Variants in MACF1 observed in about 807,000 individuals in gnomAD.
MACF1 encodes microtubule actin crosslinking factor 1, also known as microtubule-actin cross-linking factor 1.
Under a neutral mutation model 854.8 loss-of-function variants are expected in MACF1, and 193 were observed. The observed-to-expected ratio is 0.23, with a 90% CI of 0.20 to 0.25. The LOEUF (loss-of-function observed/expected upper bound fraction) is 0.25. MACF1 is among the 10% of genes least tolerant of loss of function. The pLI is 1.00. For missense variants in MACF1, 7,722 were observed against 8,929.1 expected, an observed-to-expected ratio of 0.86 and a Z score of 5.45; for synonymous variants, 3,185 against 3,226.7, an observed-to-expected ratio of 0.99 and a Z score of 0.44.
At chr1:39,239,707 A>C (rs1234293813) in intron 2 of MACF1, among the ~76,000 whole-genome samples, 3 of 152,222 alleles carry the variant, frequency 2.0e-5, no homozygotes, top group Non-Finnish European at 2.9e-5. Flanking sequence ...TTTTCTGGTC[A>C]GTTCCTGTTG....
At chr1:39,102,434 CGG>C (rs10566264) in intron 2 of MACF1, among the ~76,000 whole-genome samples, 9 of 69,414 alleles carry the variant, frequency 1.3e-4, no homozygotes, top group African/African-American at 3.6e-4. Flanking sequence ...TAATTGGAGG[CGG>C]GGGGGGGGTC....
intron 2 of MACF1, among the ~76,000 whole-genome samples, chr1:39,116,032 AGAG>A (rs1420185031): frequency 1.3e-5 from 2 of 152,256 alleles, no homozygotes; most frequent in East Asian, 3.9e-4. Context: ...GAAGGAAGAG[AGAG>A]GAGGAAGACA....
In MACF1 at chr1:39,434,431, A is replaced by G. The variant is rs1643929479; in HGVS notation, c.17583A>G (p.Leu5861=). Residue 5861 remains leucine (L), a synonymous_variant, in exon 69 of 101, where the codon CTA becomes CTG. Transcript: ENST00000564288. ...TCACATAGGAAAAGACAGAGTCTCT[A>G]ATACAGCAATATGAAGCCATTAGCC... The part of the protein sequence containing the change: ...KTVLQEKTES[L]IQQYEAISLL... 6.2e-7 allele frequency: 1 copy of G among 1,600,034 alleles called. No individual in the cohort carries two copies. Among genetic ancestry groups the G allele is most frequent in the East Asian group, 2.2e-5 (1 of 44,674 alleles).
chr1:39,385,225 G>T (rs1012032114), intron 56 of MACF1, among the ~76,000 whole-genome samples: 1 of 151,962 alleles, frequency 6.6e-6, no homozygotes, highest in Non-Finnish European at 1.5e-5. Context: ...TCACCAGCAC[G>T]CCCCACTAAT....
intron 56 of MACF1, among the ~76,000 whole-genome samples, chr1:39,383,544 T>A (rs966942923): frequency 2.6e-5 from 4 of 152,168 alleles, no homozygotes; most frequent in Non-Finnish European, 5.9e-5. Context: ...ATATTTTTAA[T>A]GAAAAAATAG....
intron 2 of MACF1, among the ~76,000 whole-genome samples, chr1:39,172,695 C>T (rs1643968498): frequency 6.6e-6 from 1 of 152,200 alleles, no homozygotes; most frequent in Non-Finnish European, 1.5e-5. Flanking sequence ...GGAGATGAGC[C>T]ATCAGGCCTG....
chr1:39,442,058 G>GT lies in MACF1; in HGVS notation c.18774+6dup. On this transcript the variant is annotated splice_donor_region_variant and intron_variant, in intron 75 of 100. Coordinates refer to ENST00000564288, the MANE Select transcript of MACF1 (RefSeq NM_001394062.1). ...GATCAGTTAAATGAAATGAAGGTTT[G>GT]TATCTGGGTATGGCTTTTGAAGAAG... 1 of 1,608,146 alleles carries GT rather than the reference G, an allele frequency of 6.2e-7. No homozygotes were observed. The highest frequency in any genetic ancestry group is 8.5e-7 in the Non-Finnish European group (1 of 1,178,184).
chr1:39,126,222 G>A (rs1477829249), intron 2 of MACF1, among the ~76,000 whole-genome samples: 1 of 152,198 alleles, frequency 6.6e-6, no homozygotes, highest in Non-Finnish European at 1.5e-5. Context: ...AAGGCTGTGA[G>A]GGAGAACCTG....
In MACF1 at chr1:39,385,886, G is replaced by A; in HGVS notation, c.14301G>A (p.Leu4767=). Residue 4767 remains leucine, a synonymous_variant, in exon 57 of 101, where the codon TTG becomes TTA. Transcript: ENST00000564288. ...QYLKDELKKR[L]ETVALPLQGL... Reference sequence around the variant, plus strand: ...TCAAGGATGAACTGAAGAAGCGTTTGGAGACAGTTGCCCTGCCTCTCCAAG... The same window carrying A: ...TCAAGGATGAACTGAAGAAGCGTTTAGAGACAGTTGCCCTGCCTCTCCAAG... 6.2e-7 allele frequency: 1 copy of A among 1,613,714 alleles called. No homozygotes were observed. The highest frequency in any genetic ancestry group is 8.5e-7 in the Non-Finnish European group (1 of 1,179,692).
Position 39,362,561 on chromosome 1 carries a change from G to A in MACF1, c.12771+884G>A, listed in dbSNP as rs144346432. On this transcript the variant is annotated intron_variant, in intron 49 of 100. Coordinates refer to ENST00000564288, the MANE Select transcript of MACF1 (RefSeq NM_001394062.1). ...ACCATTATTCTTTATGATACTTAAC[G>A]TTTTCCCAAATGTGGTCGGTGGGAG... Among the ~76,000 whole-genome samples the A allele has an allele frequency of 5.5e-3, 831 of 152,092 alleles. 5 individuals carry two copies. Among genetic ancestry groups the A allele is most frequent in the African/African-American group, 0.019 (776 of 41,492 alleles).
At chr1:39,108,004 G>A (rs1385849398) in intron 2 of MACF1, among the ~76,000 whole-genome samples, 1 of 152,104 alleles carries the variant, frequency 6.6e-6, no homozygotes, top group African/African-American at 2.4e-5. Flanking sequence ...GCTGTATTAG[G>A]AATGGTAGTC....
chr1:39,136,249 TAGAC>T (rs1406457477), intron 2 of MACF1, among the ~76,000 whole-genome samples: 1 of 152,190 alleles, frequency 6.6e-6, no homozygotes, highest in Non-Finnish European at 1.5e-5. Flanking sequence ...CTTGACAGCT[TAGAC>T]AGTCTCTTAC....
rs1644259491 is a variant in MACF1, at chr1:39,447,898, A to G, written c.19968A>G (p.Gln6656=). The G allele has an allele frequency of 1.9e-6, 3 of 1,613,912 alleles. No individual in the cohort carries two copies. Among genetic ancestry groups the G allele is most frequent in the African/African-American group, 1.3e-5 (1 of 74,918 alleles). ...ATGATGCCAGGAAGCGGGCAAAACA[A>G]GTAAGTTGGGGAAGAAAGATACTAA... ...SLDDARKRAK[Q]FHEAWKKLID... Residue 6656 remains glutamine, a splice_region_variant and synonymous_variant, in exon 82 of 101, where the codon CAA becomes CAG. Transcript: ENST00000564288.
At chr1:39,317,940 G>A (rs1029201007) in intron 29 of MACF1, among the ~76,000 whole-genome samples, 1 of 152,220 alleles carries the variant, frequency 6.6e-6, no homozygotes, top group African/African-American at 2.4e-5. Context: ...CAACTCATAA[G>A]TTTTCATTCT....
intron 50 of MACF1, among the ~76,000 whole-genome samples, chr1:39,368,759 C>A (rs914910904): frequency 6.6e-6 from 1 of 152,166 alleles, no homozygotes; most frequent in African/African-American, 2.4e-5. Context: ...GCCTCCGCCT[C>A]CCAAAGTGCT....
intron 6 of MACF1, among the ~76,000 whole-genome samples, chr1:39,259,560 C>T (rs1048799981): frequency 1.3e-5 from 2 of 152,062 alleles, no homozygotes; most frequent in African/African-American, 4.8e-5. Context: ...CCGTACCAGG[C>T]CATAACAAAT....
At chr1:39,160,391 T>G (rs886287007) in intron 2 of MACF1, among the ~76,000 whole-genome samples, 2 of 152,210 alleles carry the variant, frequency 1.3e-5, no homozygotes, top group Non-Finnish European at 2.9e-5. Flanking sequence ...CCTTCCTCTC[T>G]GAGACAAAGA....
intron 47 of MACF1, among the ~76,000 whole-genome samples, 196 bp from the exon 48 acceptor site, chr1:39,360,597 G>C (rs1648100368): frequency 6.6e-6 from 1 of 151,460 alleles, no homozygotes; most frequent in South Asian, 2.1e-4. Context: ...GGCACTTTAG[G>C]AGGCTGAAGT....
At chr1:39,343,944 C>T (rs922108776) in intron 40 of MACF1, among the ~76,000 whole-genome samples, 26 of 152,014 alleles carry the variant, frequency 1.7e-4, no homozygotes, top group African/African-American at 5.5e-4. Context: ...GAAGAAACCC[C>T]GTCTCTACTA....
Sources: allele counts gnomAD v4.1 joint callset (sites outside exome capture counted in the v4.1 genomes callset), GRCh38; gene constraint gnomAD v4.1.1; transcripts MANE v1.5; gene names NCBI Gene and HGNC (gene_info 2026-07-23, HGNC 2026-07-21).